The following IRAG2 variants were observed in gnomAD, a reference collection of about 807,000 sequenced individuals.
The protein encoded by IRAG2 is inositol 1,4,5-triphosphate receptor associated 2.
Under a neutral mutation model 69.9 loss-of-function variants are expected in IRAG2, and 45 were observed. That is an observed-to-expected ratio of 0.64 (90% CI 0.51 to 0.83). The LOEUF (loss-of-function observed/expected upper bound fraction) is 0.83, where lower values mean the gene tolerates loss of function less well. Ranked by LOEUF, IRAG2 falls within the 40% of genes least tolerant of loss-of-function variation. IRAG2 has a pLI of 0.00. For missense variants in IRAG2, 520 were observed against 587.0 expected (o/e 0.89, Z 1.18); for synonymous variants, 193 against 202.4 (o/e 0.95, Z 0.40).
At chr12:25,101,807 T>C (rs1948764376) in intron 16 of IRAG2, 2 of 408,332 alleles carry the variant, frequency 4.9e-6, no homozygotes, top group Non-Finnish European at 9.4e-6. Context: ...AATCTTACAA[T>C]AGTTTTATTT....
rs1948467111 is a variant in IRAG2 at position 25,097,162 on chromosome 12, A to T, written c.741+118A>T. 4 of 977,280 alleles carry T rather than the reference A, an allele frequency of 4.1e-6. No individual in the cohort carries two copies. The South Asian group carries it at 7.8e-5, about 19-fold the overall frequency. The allele number at this position is 977,280 out of a possible 1,614,324, so 60.5% of individuals were successfully genotyped here. A position where few individuals can be genotyped will look rare whatever the true frequency, so the allele number is the denominator to read the frequency against. ...TTAAAAAATACTTTTGTTGTATAAG[A>T]CATATGCGTTTAATACATATGTGTT... On this transcript the variant is annotated intron_variant, in intron 15 of 21. Transcript: ENST00000556887.
In IRAG2 at chr12:25,039,665, C is replaced by T. The variant is rs565839721; in HGVS notation, c.2144+1528C>T. ...CAGGATGGTCTCGATCTCCTGACCT[C>T]GTGATCCGCCCCCCTCGGCCTCCCA... is the stretch of plus-strand genomic sequence containing the variant. On this transcript the variant is annotated intron_variant, in intron 16 of 38. Coordinates refer to the IRAG2 transcript ENST00000636465. Among the ~76,000 whole-genome samples, 12 of 152,302 alleles carry T rather than the reference C, an allele frequency of 7.9e-5. No homozygotes were observed. In the South Asian group the frequency reaches 1.9e-3, roughly 24 times the overall value.
upstream of IRAG2, among the ~76,000 whole-genome samples, chr12:25,049,982 C>CAAAAAAAAAAAAA (rs56185966): frequency 1.3e-4 from 9 of 71,268 alleles, no homozygotes; most frequent in African/African-American, 2.9e-4. Context: ...AACTGTGTCT[C>CAAAAAAAAAAAAA]AAAAAAAAAA....
intron 6 of IRAG2, 106 bp downstream of exon 6, chr12:25,069,537 G>A: frequency 2.0e-6 from 2 of 1,012,576 alleles, no homozygotes; most frequent in Non-Finnish European, 1.5e-6. Flanking sequence ...AAGTATTATG[G>A]ATATTCTTGT....
chr12:25,107,264 G>C (rs1949237467), intron 21 of IRAG2, among the ~76,000 whole-genome samples: 2 of 152,030 alleles, frequency 1.3e-5, no homozygotes, highest in African/African-American at 4.8e-5. Flanking sequence ...TGTAATATAT[G>C]TTATATTCTA....
At chr12:25,006,600 T>C (rs1447528631) in intron 2 of IRAG2, among the ~76,000 whole-genome samples, 1 of 152,172 alleles carries the variant, frequency 6.6e-6, no homozygotes, top group African/African-American at 2.4e-5. Context: ...GAGGCTATTA[T>C]CCTAAGCGAA....
At chr12:25,028,237 TTAACCTTTTAAGG>T (rs1022862113) in intron 9 of IRAG2, among the ~76,000 whole-genome samples, 3 of 152,172 alleles carry the variant, frequency 2.0e-5, no homozygotes, top group African/African-American at 7.2e-5. Context: ...GTTTCTACGT[TTAACCTTTTAAGG>T]AACTGCCAGG....
chr12:25,083,395 T>G, intron 9 of IRAG2, 28 bp from the exon 10 acceptor site: 1 of 1,515,262 alleles, frequency 6.6e-7, no homozygotes, highest in Middle Eastern at 1.7e-4. Context: ...CCCCCCTAAC[T>G]GCTTTGTGTG....
At chr12:25,046,808 T>A (rs1172880624) in intron 16 of IRAG2, among the ~76,000 whole-genome samples, 2 of 152,148 alleles carry the variant, frequency 1.3e-5, no homozygotes, top group African/African-American at 2.4e-5. Flanking sequence ...TCGCATTTTT[T>A]TACAGGAATA....
chr12:25,021,799 A>T (rs903020494), intron 7 of IRAG2, among the ~76,000 whole-genome samples: 25 of 152,256 alleles, frequency 1.6e-4, no homozygotes, highest in Non-Finnish European at 2.9e-4. Flanking sequence ...GCCCTGTGGC[A>T]GTCCCTTATG....
intron 8 of IRAG2, among the ~76,000 whole-genome samples, chr12:25,025,469 C>A (rs926281797): frequency 6.6e-6 from 1 of 152,068 alleles, no homozygotes; most frequent in Non-Finnish European, 1.5e-5. Context: ...ACACAAGGGG[C>A]TTACACACGC....
intron 13 of IRAG2, 75 bp downstream of exon 13, chr12:25,089,865 G>T: frequency 6.7e-7 from 1 of 1,486,702 alleles, no homozygotes; most frequent in South Asian, 1.2e-5. Flanking sequence ...TTCATGTTTT[G>T]GCACAAGCTC....
chr12:25,080,628 A>G (rs1361058548), intron 9 of IRAG2, among the ~76,000 whole-genome samples: 1 of 152,202 alleles, frequency 6.6e-6, no homozygotes, highest in African/African-American at 2.4e-5. Context: ...TTGGGATTAC[A>G]GGTGTGAGCC....
Position 25,107,856 on chromosome 12 carries a change from C to A in IRAG2, c.1296C>A (p.Ser432=). 6.2e-7 allele frequency: 1 copy of A among 1,613,880 alleles called. No individual in the cohort carries two copies. The highest frequency in any genetic ancestry group is 8.5e-7 in the Non-Finnish European group (1 of 1,179,772). ...CTTCCTGGGCAACAAATCTCAAGTC[C>A]TCCATCAGAAAGGCTAATAAGGCCC... ...TIASWATNLK[S]SIRKANKALW... Residue 432 remains serine (S), a synonymous_variant, in exon 22 of 22, where the codon TCC becomes TCA. Transcript: ENST00000556887.
At chr12:25,070,876 C>T (rs1946295800) in intron 6 of IRAG2, among the ~76,000 whole-genome samples, 1 of 152,148 alleles carries the variant, frequency 6.6e-6, no homozygotes, top group Admixed American at 6.5e-5. Context: ...GCATTTCTCT[C>T]ATGATTAATA....
chr12:25,040,754 C>A (rs1430746800), intron 16 of IRAG2, among the ~76,000 whole-genome samples: 1 of 152,076 alleles, frequency 6.6e-6, no homozygotes, highest in Non-Finnish European at 1.5e-5. Flanking sequence ...CTCTCAGAAG[C>A]CTTGGTGAGG....
intron 13 of IRAG2, among the ~76,000 whole-genome samples, chr12:25,034,352 C>A (rs779782188): frequency 6.6e-6 from 1 of 152,230 alleles, no homozygotes; most frequent in East Asian, 1.9e-4. Flanking sequence ...AGAAACAATA[C>A]CAAATTTATT....
At chr12:25,014,376 A>C (rs937305087) in intron 3 of IRAG2, among the ~76,000 whole-genome samples, 3 of 152,234 alleles carry the variant, frequency 2.0e-5, no homozygotes, top group Non-Finnish European at 4.4e-5. Context: ...GAGAATAGTC[A>C]GAACTCTGTG....
At chr12:25,004,623 A>G (rs1944417046) in exon 1 of IRAG2, 1 of 1,232,112 alleles carries the variant, frequency 8.1e-7, no homozygotes, top group East Asian at 3.2e-5. Flanking sequence ...TAATATCTCC[A>G]AGAACCCCAT....
Sources: gnomAD v4.1 joint callset for allele counts (sites outside exome capture counted in the v4.1 genomes callset) on GRCh38, gnomAD v4.1.1 for gene constraint, MANE v1.5 for transcripts, NCBI Gene and HGNC (gene_info 2026-07-23, HGNC 2026-07-21) for gene names.